SEPTIN7: variants seen among roughly 807,000 people sequenced by gnomAD.
SEPTIN7 encodes septin 7.
SEPTIN7 carries 10 observed loss-of-function variants against 63.3 expected under a neutral mutation model. The ratio of observed to expected loss-of-function variants is 0.16; its 90% confidence interval spans 0.10 to 0.27. The LOEUF (loss-of-function observed/expected upper bound fraction) is 0.27, where lower values mean the gene tolerates loss of function less well. SEPTIN7 is among the 10% of genes least tolerant of loss of function. SEPTIN7 has a pLI of 1.00. For missense variants in SEPTIN7, 310 were observed against 521.0 expected (o/e 0.59, Z 3.94); for synonymous variants, 131 against 165.3 (o/e 0.79, Z 1.59).
the SEPTIN7 span, among the ~76,000 whole-genome samples, chr7:35,914,326 TG>T: frequency 7.0e-3 from 1,064 of 152,330 alleles, 9 homozygotes; most frequent in South Asian, 0.033. Context: ...TAGATGTTTT[TG>T]TAAAGGTATT....
chr7:35,832,974 A>G, intron 3 of SEPTIN7, 74 bp downstream of exon 3: 2 of 833,934 alleles, frequency 2.4e-6, no homozygotes, highest in Non-Finnish European at 4.2e-6. Flanking sequence ...AATAGATTTA[A>G]GAAAACACTG....
At chr7:35,882,785 AAC>A (rs765530067) in intron 8 of SEPTIN7, among the ~76,000 whole-genome samples, 6 of 152,232 alleles carry the variant, frequency 3.9e-5, no homozygotes, top group South Asian at 4.1e-4. Flanking sequence ...TGAGGTGAAT[AAC>A]ACAATTCTTA....
intron 6 of SEPTIN7, among the ~76,000 whole-genome samples, chr7:35,875,070 A>C (rs1562567350): frequency 6.6e-6 from 1 of 152,006 alleles, no homozygotes; most frequent in Non-Finnish European, 1.5e-5. Context: ...GATCTTCTGG[A>C]CTCTCTCCAA....
At chr7:35,868,703 C>G (rs1785966219) in intron 4 of SEPTIN7, among the ~76,000 whole-genome samples, 1 of 152,012 alleles carries the variant, frequency 6.6e-6, no homozygotes, top group Non-Finnish European at 1.5e-5. Context: ...ATGGTTATAT[C>G]CTGTGGCAAG....
In SEPTIN7 at chr7:35,903,868, G is replaced by A. The variant is rs1318721945; in HGVS notation, c.1275-386G>A. Among the ~76,000 whole-genome samples the A allele has an allele frequency of 2.0e-5, 3 of 152,138 alleles. No homozygotes were observed. The East Asian group carries it at 5.8e-4, about 29-fold the overall frequency. On this transcript the variant is annotated intron_variant, in intron 13 of 13. Coordinates refer to ENST00000350320, the MANE Select transcript of SEPTIN7 (RefSeq NM_001788.6). ...CTGTTAACATTTTCCCCAAAGAAGA[G>A]GAAAATAGATTTGTGAAAGCAATTG...
intron 12 of SEPTIN7, chr7:35,901,350 A>C (rs1412327026): frequency 1.3e-5 from 2 of 152,226 alleles, no homozygotes; most frequent in Non-Finnish European, 2.9e-5. Context: ...AAACTCTGAA[A>C]ACTGCAAAAC....
intron 3 of SEPTIN7, among the ~76,000 whole-genome samples, chr7:35,849,296 G>A (rs949775660): frequency 6.6e-6 from 1 of 152,132 alleles, no homozygotes; most frequent in African/African-American, 2.4e-5. Flanking sequence ...CAATTTTTCT[G>A]CCAGGGTGTG....
chr7:35,850,311 A>G (rs865817958), intron 3 of SEPTIN7, among the ~76,000 whole-genome samples: 1 of 152,194 alleles, frequency 6.6e-6, no homozygotes, highest in African/African-American at 2.4e-5. Context: ...TCAAGGTCAT[A>G]TACTTGTAGG....
chr7:35,857,100 T>C (rs1198878200), intron 3 of SEPTIN7, among the ~76,000 whole-genome samples: 1 of 152,126 alleles, frequency 6.6e-6, no homozygotes, highest in African/African-American at 2.4e-5. Flanking sequence ...TTTAGAAATA[T>C]TGGGGGGGCA....
At chr7:35,843,830 T>C (rs1784528651) in intron 3 of SEPTIN7, among the ~76,000 whole-genome samples, 1 of 152,224 alleles carries the variant, frequency 6.6e-6, no homozygotes, top group African/African-American at 2.4e-5. Flanking sequence ...CTTTGGGGCT[T>C]CTGTTTCTTG....
chr7:35,813,911 T>A (rs1272175491), intron 1 of SEPTIN7, among the ~76,000 whole-genome samples: 1 of 152,188 alleles, frequency 6.6e-6, no homozygotes, highest in Admixed American at 6.5e-5. Context: ...ACATCAATAA[T>A]GTATTGATAT....
intron 10 of SEPTIN7, chr7:35,888,937 T>C (rs539762530): frequency 3.3e-6 from 1 of 300,142 alleles, no homozygotes; most frequent in Non-Finnish European, 6.8e-6. Flanking sequence ...AAAAAGTGTT[T>C]ATCATATCTC....
intron 3 of SEPTIN7, among the ~76,000 whole-genome samples, chr7:35,836,620 AT>A (rs974895416): frequency 6.6e-6 from 1 of 151,112 alleles, no homozygotes; most frequent in East Asian, 1.9e-4. Context: ...GTTTATCCTA[AT>A]TTTTTTTTGG....
At chr7:35,808,492 C>T (rs952371316) in intron 1 of SEPTIN7, among the ~76,000 whole-genome samples, 3 of 152,194 alleles carry the variant, frequency 2.0e-5, no homozygotes, top group African/African-American at 7.2e-5. Context: ...GCTGCTCCAA[C>T]AAAATACCTG....
chr7:35,890,073 C>T (rs1186694409), intron 10 of SEPTIN7, among the ~76,000 whole-genome samples: 2 of 152,090 alleles, frequency 1.3e-5, no homozygotes, highest in African/African-American at 4.8e-5. Flanking sequence ...ATGATGACAT[C>T]ATCTCATATG....
At chr7:35,854,448 T>TTC (rs1785101936) in intron 3 of SEPTIN7, among the ~76,000 whole-genome samples, 1 of 152,212 alleles carries the variant, frequency 6.6e-6, no homozygotes, top group Non-Finnish European at 1.5e-5. Context: ...GCTAACTGGC[T>TTC]TCTAATGGGT....
chr7:35,861,280 CTG>C (rs1446386425), intron 3 of SEPTIN7, among the ~76,000 whole-genome samples: 2 of 152,110 alleles, frequency 1.3e-5, no homozygotes, highest in African/African-American at 4.8e-5. Context: ...AATCTAATAT[CTG>C]TATTTCTTCA....
At chr7:35,843,343 G>A (rs756602790) in intron 3 of SEPTIN7, among the ~76,000 whole-genome samples, 14 of 152,128 alleles carry the variant, frequency 9.2e-5, no homozygotes, top group Non-Finnish European at 1.3e-4. Context: ...CCATTCGTAT[G>A]CTCTATTAGA....
rs1309541001 is a variant in SEPTIN7, at chr7:35,905,206, A to C, written c.*913A>C. 1 of 152,654 alleles carries C rather than the reference A, an allele frequency of 6.6e-6. No homozygotes were observed. The highest frequency in any genetic ancestry group is 2.4e-5 in the African/African-American group (1 of 41,470). 9.5% of individuals were successfully genotyped at this position (152,654 alleles called of 1,614,324 possible). A position where few individuals can be genotyped will look rare whatever the true frequency, so the allele number is the denominator to read the frequency against. ...TGGGAATCATGGCCTCTTGAAGAGA[A>C]AAAAGTCACCATTCTGCATTTAGCT... On this transcript the variant is annotated 3_prime_UTR_variant, in exon 14 of 14. Transcript: ENST00000350320.
Sources: allele counts gnomAD v4.1 joint callset (sites outside exome capture counted in the v4.1 genomes callset), GRCh38; gene constraint gnomAD v4.1.1; transcripts MANE v1.5; gene names NCBI Gene and HGNC (gene_info 2026-07-23, HGNC 2026-07-21).